Variants in RARB observed in about 807,000 individuals in gnomAD.
The protein encoded by RARB is HBV-activated protein.
A neutral mutation model predicts 51.9 loss-of-function variants in RARB; 17 were observed. The observed-to-expected ratio is 0.33, with a 90% CI of 0.22 to 0.49. The LOEUF is 0.49. RARB is among the 20% of genes least tolerant of loss of function. The pLI, the probability that RARB is intolerant of heterozygous loss-of-function variation, is 0.99. For missense variants in RARB, 369 were observed against 550.8 expected (o/e 0.67, Z 3.30); for synonymous variants, 215 against 195.4 (o/e 1.10, Z -0.84).
At chr3:24,875,479 AC>A (rs1413244277) in intron 2 of RARB, among the ~76,000 whole-genome samples, 12 of 152,242 alleles carry the variant, frequency 7.9e-5, no homozygotes, top group Non-Finnish European at 1.6e-4. Context: ...TACAGCACTT[AC>A]CCATAGGTTT....
At chr3:25,271,488 T>G (rs1703256636) in intron 5 of RARB, among the ~76,000 whole-genome samples, 1 of 152,108 alleles carries the variant, frequency 6.6e-6, no homozygotes, top group Non-Finnish European at 1.5e-5. Flanking sequence ...ATTAGGAAAA[T>G]TAGGTGCTTT....
At chr3:25,314,925 T>A (rs1177350519) in intron 5 of RARB, among the ~76,000 whole-genome samples, 2 of 152,168 alleles carry the variant, frequency 1.3e-5, no homozygotes, top group African/African-American at 4.8e-5. Context: ...AGCTCCCACT[T>A]ATGAGAACAT....
At chr3:25,478,762 A>T (rs1159874336) in intron 2 of RARB, among the ~76,000 whole-genome samples, 1 of 152,206 alleles carries the variant, frequency 6.6e-6, no homozygotes, top group Admixed American at 6.5e-5. Flanking sequence ...CTGATCTCTC[A>T]GGGAGTGGTC....
At chr3:25,341,332 G>A (rs1402523781) in intron 5 of RARB, among the ~76,000 whole-genome samples, 1 of 152,070 alleles carries the variant, frequency 6.6e-6, no homozygotes, top group Non-Finnish European at 1.5e-5. Flanking sequence ...TTCCATCTGT[G>A]AAAAAGTGAA....
At chr3:25,128,080 G>C (rs4558719) in intron 3 of RARB, among the ~76,000 whole-genome samples, 3,222 of 152,138 alleles carry the variant, frequency 0.021, 88 homozygotes, top group African/African-American at 0.064. Context: ...TTGTCACAGG[G>C]AAGAATAAAG....
At chr3:25,051,878 GA>G (rs1698340818) in intron 2 of RARB, among the ~76,000 whole-genome samples, 1 of 152,150 alleles carries the variant, frequency 6.6e-6, no homozygotes, top group Non-Finnish European at 1.5e-5. Flanking sequence ...CAAAAATGGT[GA>G]GAAATGGATT....
At chr3:25,046,999 T>A (rs558356242) in intron 2 of RARB, among the ~76,000 whole-genome samples, 1 of 152,298 alleles carries the variant, frequency 6.6e-6, no homozygotes, top group Middle Eastern at 3.4e-3. Flanking sequence ...CCCAGAGTCT[T>A]AAATTTTTCT....
intron 1 of RARB, among the ~76,000 whole-genome samples, chr3:25,457,101 T>G (rs561837292): frequency 6.6e-6 from 1 of 152,276 alleles, no homozygotes; most frequent in East Asian, 1.9e-4. Flanking sequence ...AAGGGAATTT[T>G]TTTTAAAATG....
intron 2 of RARB, among the ~76,000 whole-genome samples, chr3:25,016,839 A>G (rs1191748764): frequency 2.6e-5 from 4 of 152,078 alleles, no homozygotes; most frequent in Non-Finnish European, 5.9e-5. Context: ...TAACACTTAC[A>G]AGAACAAACA....
At chr3:25,053,244 A>G (rs947368295) in intron 2 of RARB, among the ~76,000 whole-genome samples, 3 of 152,170 alleles carry the variant, frequency 2.0e-5, no homozygotes, top group Non-Finnish European at 4.4e-5. Context: ...TTATCCCTTC[A>G]TACAATCACA....
At chr3:25,387,467 A>G (rs1706827404) in intron 5 of RARB, among the ~76,000 whole-genome samples, 1 of 152,126 alleles carries the variant, frequency 6.6e-6, no homozygotes, top group South Asian at 2.1e-4. Flanking sequence ...CAAAAAGGAG[A>G]AAAAACTGGC....
chr3:25,391,354 A>G (rs1706952791), intron 5 of RARB, among the ~76,000 whole-genome samples: 1 of 152,128 alleles, frequency 6.6e-6, no homozygotes, highest in Non-Finnish European at 1.5e-5. Context: ...TGCTGTAAAC[A>G]TGCATGTGCA....
chr3:25,309,089 T>G (rs1003267774), intron 5 of RARB, among the ~76,000 whole-genome samples: 6 of 152,034 alleles, frequency 3.9e-5, no homozygotes, highest in Non-Finnish European at 5.9e-5. Flanking sequence ...CCTTTCTCTT[T>G]TTTCCTGTCC....
intron 2 of RARB, among the ~76,000 whole-genome samples, chr3:24,874,546 T>A (rs1001766326): frequency 3.3e-5 from 5 of 152,090 alleles, no homozygotes; most frequent in African/African-American, 9.6e-5. Flanking sequence ...CTCAACATGT[T>A]GCTGTGATTC....
intron 1 of RARB, among the ~76,000 whole-genome samples, chr3:24,853,355 A>G (rs1702587526): frequency 6.6e-6 from 1 of 152,150 alleles, no homozygotes; most frequent in South Asian, 2.1e-4. Context: ...CTGTATCTTT[A>G]TAGATTTTGA....
At chr3:25,145,959 G>A (rs535336932) in intron 4 of RARB, among the ~76,000 whole-genome samples, 3 of 151,742 alleles carry the variant, frequency 2.0e-5, no homozygotes, top group African/African-American at 4.8e-5. Flanking sequence ...GTGAGATCAC[G>A]CCACTGCACT....
At chr3:24,844,841 G>A (rs945919237) in intron 1 of RARB, among the ~76,000 whole-genome samples, 1 of 152,080 alleles carries the variant, frequency 6.6e-6, no homozygotes, top group African/African-American at 2.4e-5. Flanking sequence ...CTGCTCCCCA[G>A]GTCTGTCTTG....
At chr3:24,978,363 G>C (rs1403393574) in intron 2 of RARB, among the ~76,000 whole-genome samples, 3 of 152,100 alleles carry the variant, frequency 2.0e-5, no homozygotes, top group African/African-American at 7.2e-5. Flanking sequence ...GGTAGAATTT[G>C]GCTGTGAATC....
chr3:25,531,867 G>A (rs1039033377), intron 3 of RARB, among the ~76,000 whole-genome samples: 3 of 152,008 alleles, frequency 2.0e-5, no homozygotes, highest in African/African-American at 7.3e-5. Flanking sequence ...TTTGCTGAAG[G>A]GAGAAGAACA....
Sources: gnomAD v4.1 joint callset for allele counts (sites outside exome capture counted in the v4.1 genomes callset) on GRCh38, gnomAD v4.1.1 for gene constraint, MANE v1.5 for transcripts, NCBI Gene and HGNC (gene_info 2026-07-23, HGNC 2026-07-21) for gene names.